Variants in SORCS3 observed in about 807,000 individuals in gnomAD.
The protein encoded by SORCS3 is sortilin related VPS10 domain containing receptor 3.
Under a neutral mutation model 146.3 loss-of-function variants are expected in SORCS3, and 57 were observed. The observed-to-expected ratio is 0.39, with a 90% CI of 0.31 to 0.49. The LOEUF (loss-of-function observed/expected upper bound fraction) is 0.49. Among genes scored for constraint, SORCS3 ranks in the 20% least tolerant of loss-of-function variants. The probability of loss-of-function intolerance (pLI) is 0.92; values close to 1 mark genes in which losing one functional copy is unlikely to be tolerated. For synonymous variants in SORCS3, 653 were observed against 618.5 expected, an observed-to-expected ratio of 1.06 and a Z score of -0.83; for missense variants, 1,341 against 1,575.5, an observed-to-expected ratio of 0.85 and a Z score of 2.52.
intron 1 of SORCS3, among the ~76,000 whole-genome samples, chr10:104,799,243 A>C (rs1329363766): frequency 6.6e-6 from 1 of 152,224 alleles, no homozygotes; most frequent in African/African-American, 2.4e-5. Flanking sequence ...ACACATACAC[A>C]CGTATGTTTA....
At chr10:104,818,944 T>C (rs748281382) in intron 1 of SORCS3, among the ~76,000 whole-genome samples, 1 of 152,054 alleles carries the variant, frequency 6.6e-6, no homozygotes, top group African/African-American at 2.4e-5. Context: ...TGCCTTATGA[T>C]AAAAACAAAA....
chr10:104,981,343 A>G (rs542757404), intron 4 of SORCS3, among the ~76,000 whole-genome samples: 2 of 152,214 alleles, frequency 1.3e-5, no homozygotes, highest in Non-Finnish European at 2.9e-5. Context: ...AGTTTAAAAA[A>G]GCAGTGGAAG....
intron 1 of SORCS3, among the ~76,000 whole-genome samples, chr10:104,716,247 GAGGACA>G (rs1222432833): frequency 6.6e-6 from 1 of 151,946 alleles, no homozygotes; most frequent in Admixed American, 6.6e-5. Flanking sequence ...TAAGATACAC[GAGGACA>G]AGGTTTTTGT....
Position 105,200,000 on chromosome 10 carries a change from GT to G in SORCS3, c.2016del (p.Phe672LeufsTer13). 1 of 1,612,898 alleles carries G rather than the reference GT, an allele frequency of 6.2e-7. No homozygotes were observed. The highest frequency in any genetic ancestry group is 8.5e-7 in the Non-Finnish European group (1 of 1,179,118). On this transcript the variant is annotated frameshift_variant and splice_region_variant, in exon 15 of 27. Transcript: ENST00000369701. LOFTEE classifies it high-confidence loss of function. The part of the protein sequence containing the change: ...EAGMETHIMT[V>X]FGHFSLRSEW... ...CCCACTCCTCCCCTAAACACTTAGA[GT>G]TTTTGGCCACTTCAGCCTCCGCTCC... is the stretch of plus-strand genomic sequence containing the variant.
intron 7 of SORCS3, among the ~76,000 whole-genome samples, chr10:105,139,164 A>G (rs535644368): frequency 6.6e-6 from 1 of 152,352 alleles, no homozygotes; most frequent in South Asian, 2.1e-4. Context: ...CTCTGTTCTG[A>G]GGGAGAATCT....
intron 1 of SORCS3, among the ~76,000 whole-genome samples, chr10:104,707,563 TTG>T (rs1222458899): frequency 6.6e-6 from 1 of 152,120 alleles, no homozygotes. Flanking sequence ...CAATGCAGGT[TTG>T]CATATAATAG....
Position 105,157,128 on chromosome 10 carries a change from T to A in SORCS3, c.1483-10T>A. On this transcript the variant is annotated splice_polypyrimidine_tract_variant and intron_variant, in intron 9 of 26. Transcript: ENST00000369701. ...CAGCATGGTTCTCCATCTCTCACCT[T>A]TTTTCCTAGGTAGCAGGTATCAAAG... 6.2e-7 allele frequency: 1 copy of A among 1,613,656 alleles called. No individual in the cohort carries two copies. The highest frequency in any genetic ancestry group is 8.5e-7 in the Non-Finnish European group (1 of 1,179,706).
chr10:104,762,700 G>A (rs1358684516), intron 1 of SORCS3, among the ~76,000 whole-genome samples: 5 of 152,144 alleles, frequency 3.3e-5, no homozygotes, highest in Non-Finnish European at 7.3e-5. Context: ...AGATGTGATG[G>A]TTTTAAAAGT....
At chr10:104,774,727 A>G (rs1335148621) in intron 1 of SORCS3, among the ~76,000 whole-genome samples, 1 of 152,192 alleles carries the variant, frequency 6.6e-6, no homozygotes, top group Non-Finnish European at 1.5e-5. Flanking sequence ...TGGAGTGATC[A>G]GTGTGGAATC....
chr10:105,042,327 A>G (rs992782422), intron 4 of SORCS3, among the ~76,000 whole-genome samples: 7 of 152,222 alleles, frequency 4.6e-5, no homozygotes, highest in African/African-American at 1.4e-4. Flanking sequence ...CCTTCCTTTC[A>G]GGATTGTTGT....
At chr10:104,826,723 G>A (rs2017939754) in intron 1 of SORCS3, among the ~76,000 whole-genome samples, 1 of 152,134 alleles carries the variant, frequency 6.6e-6, no homozygotes, top group Non-Finnish European at 1.5e-5. Context: ...CAGAAAATGA[G>A]ACCACAATGA....
At chr10:105,060,152 G>A (rs1007519564) in intron 5 of SORCS3, among the ~76,000 whole-genome samples, 1 of 152,142 alleles carries the variant, frequency 6.6e-6, no homozygotes, top group Non-Finnish European at 1.5e-5. Flanking sequence ...TTTGAGGGGG[G>A]TTTGAAAGAT....
At chr10:105,127,854 C>G (rs981643702) in intron 7 of SORCS3, among the ~76,000 whole-genome samples, 1 of 152,142 alleles carries the variant, frequency 6.6e-6, no homozygotes, top group Non-Finnish European at 1.5e-5. Context: ...GCTTTTGACA[C>G]GAGCCACTGT....
intron 7 of SORCS3, among the ~76,000 whole-genome samples, chr10:105,121,081 C>G (rs2133765173): frequency 6.6e-6 from 1 of 152,248 alleles, no homozygotes; most frequent in East Asian, 1.9e-4. Flanking sequence ...ATCATCAGCT[C>G]AAAGGAGTGA....
At chr10:104,838,868 G>A (rs141177900) in intron 1 of SORCS3, among the ~76,000 whole-genome samples, 41 of 152,198 alleles carry the variant, frequency 2.7e-4, no homozygotes, top group Admixed American at 4.6e-4. Context: ...CATGGAATCA[G>A]CATTTAACAG....
intron 1 of SORCS3, among the ~76,000 whole-genome samples, chr10:104,648,732 GTTTGGATT>G (rs2015525168): frequency 6.6e-6 from 1 of 152,202 alleles, no homozygotes; most frequent in African/African-American, 2.4e-5. Flanking sequence ...GATCAGTGTA[GTTTGGATT>G]TAATTATTTA....
intron 1 of SORCS3, among the ~76,000 whole-genome samples, chr10:104,795,985 C>T (rs2017550543): frequency 6.6e-6 from 1 of 152,176 alleles, no homozygotes; most frequent in Admixed American, 6.5e-5. Flanking sequence ...AGCGCTTTGC[C>T]CTGCTTTGGA....
intron 4 of SORCS3, 86 bp from the exon 5 acceptor site, chr10:105,042,969 G>A: frequency 8.8e-7 from 1 of 1,134,830 alleles, no homozygotes; most frequent in South Asian, 1.3e-5. Flanking sequence ...GGGCACTCTG[G>A]TGTTGGGATG....
At chr10:104,943,422 G>A (rs768715927) in intron 3 of SORCS3, among the ~76,000 whole-genome samples, 1 of 152,132 alleles carries the variant, frequency 6.6e-6, no homozygotes, top group Non-Finnish European at 1.5e-5. Context: ...CACTGTGCCC[G>A]GCCAAATGTA....
Sources: gnomAD v4.1 joint callset for allele counts (sites outside exome capture counted in the v4.1 genomes callset) on GRCh38, gnomAD v4.1.1 for gene constraint, MANE v1.5 for transcripts, NCBI Gene and HGNC (gene_info 2026-07-23, HGNC 2026-07-21) for gene names.